Variants in KITLG observed in about 807,000 individuals in gnomAD.
The protein encoded by KITLG is c-Kit ligand.
KITLG carries 13 observed loss-of-function variants against 34.1 expected under a neutral mutation model. The observed-to-expected ratio is 0.38, with a 90% CI of 0.25 to 0.61. The LOEUF is 0.61. Ranked by LOEUF, KITLG falls within the 20% of genes least tolerant of loss-of-function variation. The pLI is 0.60. For synonymous variants in KITLG, 110 were observed against 104.0 expected, an observed-to-expected ratio of 1.06 and a Z score of -0.35; for missense variants, 292 against 318.9, an observed-to-expected ratio of 0.92 and a Z score of 0.64.
intron 2 of KITLG, among the ~76,000 whole-genome samples, chr12:88,536,271 A>G (rs1010121153): frequency 3.3e-5 from 5 of 152,192 alleles, no homozygotes; most frequent in African/African-American, 1.2e-4. Flanking sequence ...GAAGATATGC[A>G]AGGGGCCAAG....
intron 6 of KITLG, among the ~76,000 whole-genome samples, chr12:88,509,795 CA>C (rs947542595): frequency 1.3e-5 from 2 of 152,092 alleles, no homozygotes; most frequent in African/African-American, 4.8e-5. Context: ...TGCAGGCAGA[CA>C]AAAAGAACTT....
chr12:88,498,977 T>C (rs540428337), intron 9 of KITLG, among the ~76,000 whole-genome samples: 1 of 152,214 alleles, frequency 6.6e-6, no homozygotes, highest in East Asian at 1.9e-4. Flanking sequence ...GCAAAGAAAA[T>C]AAACGTAAAG....
rs1273196569 is a variant in KITLG at position 88,565,982 on chromosome 12, G to A, written c.15+14282C>T. ...CTGGTTCTTAAGTCTTCATATATCT[G>A]GCATTAGCGAGTTTTAACTGGCCCT... On this transcript the variant is annotated intron_variant, in intron 1 of 9. Coordinates refer to ENST00000644744, the MANE Select transcript of KITLG (RefSeq NM_000899.5). Among the ~76,000 whole-genome samples, 3 of 152,138 alleles carry A rather than the reference G, an allele frequency of 2.0e-5. No individual in the cohort carries two copies. The East Asian group carries it at 5.8e-4, about 29-fold the overall frequency.
intron 1 of KITLG, among the ~76,000 whole-genome samples, chr12:88,556,915 C>T (rs2120941460): frequency 6.6e-6 from 1 of 152,256 alleles, no homozygotes; most frequent in South Asian, 2.1e-4. Context: ...CTAAAGAGTA[C>T]TTAATGGAGC....
intron 6 of KITLG, among the ~76,000 whole-genome samples, chr12:88,513,047 G>T (rs1178936687): frequency 6.6e-6 from 1 of 151,758 alleles, no homozygotes; most frequent in South Asian, 2.1e-4. Context: ...ACAGTTCAAA[G>T]AAATAATTGA....
chr12:88,538,249 G>A (rs1384544370), intron 2 of KITLG, among the ~76,000 whole-genome samples: 1 of 151,854 alleles, frequency 6.6e-6, no homozygotes, highest in African/African-American at 2.4e-5. Context: ...AATATTCCAG[G>A]AAAACTGCCT....
At chr12:88,534,888 C>A (rs769119994) in intron 2 of KITLG, 2 of 297,934 alleles carry the variant, frequency 6.7e-6, no homozygotes, top group Non-Finnish European at 1.3e-5. Context: ...AAAGACAGAG[C>A]AGACCTGTTG....
intron 1 of KITLG, among the ~76,000 whole-genome samples, chr12:88,548,639 A>G (rs1169158711): frequency 6.6e-6 from 1 of 152,112 alleles, no homozygotes; most frequent in African/African-American, 2.4e-5. Flanking sequence ...TTTTAGGGAT[A>G]TGGCATGAAC....
At chr12:88,530,200 T>C (rs995275347) in intron 3 of KITLG, among the ~76,000 whole-genome samples, 2 of 152,136 alleles carry the variant, frequency 1.3e-5, no homozygotes, top group African/African-American at 4.8e-5. Context: ...CTTTATTACC[T>C]AGAGGCTTCC....
In KITLG at chr12:88,574,153, GAGA is replaced by G. The variant is rs1423525618; in HGVS notation, c.15+6108_15+6110del. 2.6e-5 allele frequency among the ~76,000 whole-genome samples: 4 copies of G among 151,630 alleles called. No individual in the cohort carries two copies. The East Asian group carries it at 7.7e-4, about 29-fold the overall frequency. ...GCTCAGTGGGCAATGCCAGTGATTA[GAGA>G]AGAACATTATCTTCATGGTTGTGGC... On this transcript the variant is annotated intron_variant, in intron 1 of 9. Transcript: ENST00000644744.
chr12:88,549,041 G>A (rs368810230), intron 1 of KITLG, among the ~76,000 whole-genome samples: 17 of 152,174 alleles, frequency 1.1e-4, no homozygotes, highest in African/African-American at 3.6e-4. Flanking sequence ...AGTGATCCAC[G>A]CAGACATCTG....
chr12:88,519,445 C>T (rs1437257225), intron 3 of KITLG, among the ~76,000 whole-genome samples: 2 of 152,076 alleles, frequency 1.3e-5, no homozygotes, highest in African/African-American at 4.8e-5. Context: ...TTAAGAATAA[C>T]ATTGAATTGG....
At chr12:88,537,198 G>T (rs138186427) in intron 2 of KITLG, among the ~76,000 whole-genome samples, 62 of 151,926 alleles carry the variant, frequency 4.1e-4, no homozygotes, top group Admixed American at 5.9e-4. Context: ...AGTACTATTC[G>T]CAATAGAAAG....
At chr12:88,527,123 C>T (rs1478916479) in intron 3 of KITLG, among the ~76,000 whole-genome samples, 2 of 152,086 alleles carry the variant, frequency 1.3e-5, no homozygotes, top group Non-Finnish European at 2.9e-5. Context: ...CTGTCTCAGC[C>T]TCCCAAAATG....
intron 2 of KITLG, among the ~76,000 whole-genome samples, chr12:88,539,145 C>T (rs1364213048): frequency 6.6e-6 from 1 of 152,122 alleles, no homozygotes; most frequent in African/African-American, 2.4e-5. Context: ...GATCACTGAT[C>T]TAAAAACCTT....
chr12:88,501,668 C>T (rs909473592), intron 9 of KITLG, among the ~76,000 whole-genome samples: 2 of 152,166 alleles, frequency 1.3e-5, no homozygotes, highest in Non-Finnish European at 2.9e-5. Flanking sequence ...TTGGGGTTTT[C>T]AGATTCTGAG....
chr12:88,521,695 T>C (rs1019779715), intron 3 of KITLG, among the ~76,000 whole-genome samples: 2 of 152,194 alleles, frequency 1.3e-5, no homozygotes, highest in East Asian at 1.9e-4. Context: ...CTGATGTGCA[T>C]GTAATTTGAT....
intron 9 of KITLG, among the ~76,000 whole-genome samples, chr12:88,500,258 T>G (rs1868799160): frequency 6.6e-6 from 1 of 152,316 alleles, no homozygotes; most frequent in South Asian, 2.1e-4. Context: ...GTTAGTGATT[T>G]CTCTCTCCTT....
At chr12:88,498,753 T>C (rs1179776843) in intron 9 of KITLG, among the ~76,000 whole-genome samples, 1 of 152,074 alleles carries the variant, frequency 6.6e-6, no homozygotes, top group East Asian at 1.9e-4. Flanking sequence ...TGCACATCTG[T>C]AGTCCCAGCT....
Sources: gnomAD v4.1 joint callset for allele counts (sites outside exome capture counted in the v4.1 genomes callset) on GRCh38, gnomAD v4.1.1 for gene constraint, MANE v1.5 for transcripts, NCBI Gene and HGNC (gene_info 2026-07-23, HGNC 2026-07-21) for gene names.